FZD3: variants seen among roughly 807,000 people sequenced by gnomAD.
FZD3 encodes frizzled-3.
In FZD3, 30 loss-of-function variants were observed where a neutral mutation model predicts 60.7. That is an observed-to-expected ratio of 0.49 (90% CI 0.37 to 0.67). FZD3 has a LOEUF of 0.67. FZD3 is among the 30% of genes least tolerant of loss of function. The pLI is 0.00. For synonymous variants in FZD3, 246 were observed against 275.2 expected, an observed-to-expected ratio of 0.89 and a Z score of 1.05; for missense variants, 605 against 838.7, an observed-to-expected ratio of 0.72 and a Z score of 3.44.
chr8:28,520,729 G>A lies in FZD3; in HGVS notation c.281G>A (p.Arg94His), dbSNP rs770147193. The part of the protein sequence containing the change: ...LYAPICMEYG[R>H]VTLPCRRLCQ... ...GCTCCTATTTGTATGGAATATGGACGTGTCACACTTCCCTGTCGTAGGCTG... is the reference window on the plus strand; with the variant it reads ...GCTCCTATTTGTATGGAATATGGACATGTCACACTTCCCTGTCGTAGGCTG... Residue 94 changes from arginine to histidine, a missense_variant, in exon 4 of 8, where the codon CGT becomes CAT. By Grantham distance (29) the Arg-to-His change is conservative (BLOSUM62 0). Coordinates refer to ENST00000240093, the MANE Select transcript of FZD3 (RefSeq NM_017412.4). The A allele has an allele frequency of 6.2e-6, 10 of 1,612,300 alleles. No individual in the cohort carries two copies. The highest frequency in any genetic ancestry group is 2.2e-5 in the East Asian group (1 of 44,856).
At position 28,564,745 on chromosome 8, in the gene FZD3, C is replaced by T. The variant is rs1048270493; in HGVS notation, c.*1734C>T. 2.6e-5 allele frequency: 4 copies of T among 152,140 alleles called. No homozygotes were observed. Among genetic ancestry groups the T allele is most frequent in the African/African-American group, 9.7e-5 (4 of 41,420 alleles). The allele number at this position is 152,140 out of a possible 1,614,324, so 9.4% of individuals were successfully genotyped here. On this transcript the variant is annotated 3_prime_UTR_variant, in exon 8 of 8. Coordinates refer to ENST00000240093, the MANE Select transcript of FZD3 (RefSeq NM_017412.4). ...TTACGGAGGTAATCCAAGAATCATACTTTGAAGAATTATTCTAGACTCTGA... is the reference window on the plus strand; with the variant it reads ...TTACGGAGGTAATCCAAGAATCATATTTTGAAGAATTATTCTAGACTCTGA...
At position 28,573,415 on chromosome 8, in the gene FZD3, G is replaced by A. The variant is rs960921464; in HGVS notation, c.*10404G>A. 1.3e-5 allele frequency: 2 copies of A among 151,910 alleles called. No homozygotes were observed. Among genetic ancestry groups the A allele is most frequent in the Non-Finnish European group, 2.9e-5 (2 of 67,962 alleles). The allele number at this position is 151,910 out of a possible 1,614,324, so 9.4% of individuals were successfully genotyped here. ...TGTTGATGGGACTATTTTGAGGCAA[G>A]AGATACCATTAAGTGACCTAGCTTG... On this transcript the variant is annotated 3_prime_UTR_variant, in exon 8 of 8. Coordinates refer to ENST00000240093, the MANE Select transcript of FZD3 (RefSeq NM_017412.4).
chr8:28,540,845 T>C (rs187353), intron 5 of FZD3, among the ~76,000 whole-genome samples: 94,277 of 151,884 alleles, frequency 0.62, 29,647 homozygotes, highest in African/African-American at 0.7. Context: ...CTCAGGAGGC[T>C]GAGGCAGGAG....
At position 28,563,219 on chromosome 8, in the gene FZD3, C is replaced by G; in HGVS notation, c.*208C>G. 1 of 534,506 alleles carries G rather than the reference C, an allele frequency of 1.9e-6. No individual in the cohort carries two copies. Among genetic ancestry groups the G allele is most frequent in the East Asian group, 3.2e-5 (1 of 30,798 alleles). 33.1% of individuals were successfully genotyped at this position (534,506 alleles called of 1,614,324 possible). A position where few individuals can be genotyped will look rare whatever the true frequency, so the allele number is the denominator to read the frequency against. ...CAAAACACTAAGAATTCTATCATCA[C>G]AAAAATAATTCGTCTTTCTAGGTTA... On this transcript the variant is annotated 3_prime_UTR_variant, in exon 8 of 8. Coordinates refer to ENST00000240093, the MANE Select transcript of FZD3 (RefSeq NM_017412.4).
chr8:28,544,400 T>C (rs1323195431), intron 5 of FZD3, among the ~76,000 whole-genome samples: 1 of 152,164 alleles, frequency 6.6e-6, no homozygotes, highest in Non-Finnish European at 1.5e-5. Flanking sequence ...ATCTAGTTGA[T>C]CATTGATTTA....
intron 1 of FZD3, among the ~76,000 whole-genome samples, chr8:28,498,942 G>A (rs1803918371): frequency 6.6e-6 from 1 of 152,082 alleles, no homozygotes; most frequent in Admixed American, 6.5e-5. Context: ...TTTTAGTATT[G>A]AAAATCAGAT....
At chr8:28,552,344 A>G (rs1805428539) in intron 6 of FZD3, among the ~76,000 whole-genome samples, 1 of 152,210 alleles carries the variant, frequency 6.6e-6, no homozygotes, top group South Asian at 2.1e-4. Context: ...GTTAGAGGTT[A>G]TTGTAATTCA....
At chr8:28,495,910 T>C (rs1287575794) in intron 1 of FZD3, among the ~76,000 whole-genome samples, 1 of 152,030 alleles carries the variant, frequency 6.6e-6, no homozygotes, top group Non-Finnish European at 1.5e-5. Flanking sequence ...AAGCCTATCA[T>C]TCTACCCTCT....
At chr8:28,504,462 A>T (rs1175028809) in intron 3 of FZD3, among the ~76,000 whole-genome samples, 2 of 152,210 alleles carry the variant, frequency 1.3e-5, no homozygotes, top group Admixed American at 1.3e-4. Context: ...TTCTGGTATC[A>T]TTTTAAATCA....
At position 28,570,636 on chromosome 8, in the gene FZD3, A is replaced by AAG. The variant is rs1206753651; in HGVS notation, c.*7627_*7628dup. 6.6e-6 allele frequency: 1 copy of AAG among 151,378 alleles called. No individual in the cohort carries two copies. Among genetic ancestry groups the AAG allele is most frequent in the African/African-American group, 2.4e-5 (1 of 40,832 alleles). The allele number at this position is 151,378 out of a possible 1,614,324, so 9.4% of individuals were successfully genotyped here. ...CGAGACTCTATCTCAAAAAAAAAAA[A>AAG]AGAAAAAAAAAAAAGTAGAGATTGC... On this transcript the variant is annotated 3_prime_UTR_variant, in exon 8 of 8. Coordinates refer to ENST00000240093, the MANE Select transcript of FZD3 (RefSeq NM_017412.4).
intron 3 of FZD3, among the ~76,000 whole-genome samples, chr8:28,510,965 A>T (rs1206223946): frequency 3.3e-5 from 5 of 151,820 alleles, no homozygotes; most frequent in African/African-American, 9.7e-5. Context: ...TGAACCCGGG[A>T]GGCAGAGGTT....
chr8:28,545,324 C>T (rs1183393867), intron 5 of FZD3, among the ~76,000 whole-genome samples: 1 of 152,204 alleles, frequency 6.6e-6, no homozygotes, highest in Admixed American at 6.5e-5. Context: ...GACCCCAAGA[C>T]TTTGCTAAGA....
chr8:28,536,645 G>T (rs1478054945), intron 5 of FZD3, among the ~76,000 whole-genome samples: 1 of 152,112 alleles, frequency 6.6e-6, no homozygotes, highest in East Asian at 1.9e-4. Flanking sequence ...AGAGGTGGAG[G>T]TTGCAGTGAG....
In FZD3 at chr8:28,572,587, G is replaced by C. The variant is rs551717313; in HGVS notation, c.*9576G>C. The C allele has an allele frequency of 1.3e-5, 2 of 152,194 alleles. No homozygotes were observed. The highest frequency in any genetic ancestry group is 3.9e-4 in the East Asian group (2 of 5,180). 9.4% of individuals were successfully genotyped at this position (152,194 alleles called of 1,614,324 possible). On this transcript the variant is annotated 3_prime_UTR_variant, in exon 8 of 8. Coordinates refer to ENST00000240093, the MANE Select transcript of FZD3 (RefSeq NM_017412.4). ...CTTTTATAATCTGAGATATTGTTAT[G>C]TATTAGGTTTGTGCAAACCTAATAT... is the stretch of plus-strand genomic sequence containing the variant.
intron 3 of FZD3, among the ~76,000 whole-genome samples, chr8:28,513,768 T>C (rs1198466377): frequency 6.6e-6 from 1 of 152,230 alleles, no homozygotes; most frequent in East Asian, 1.9e-4. Context: ...TTAGTCATAA[T>C]ACTCCCAAAC....
At chr8:28,548,294 T>A (rs1219484069) in intron 5 of FZD3, among the ~76,000 whole-genome samples, 1 of 151,688 alleles carries the variant, frequency 6.6e-6, no homozygotes, top group African/African-American at 2.4e-5. Flanking sequence ...TTTGAATTTT[T>A]GTTTTTTTGT....
At chr8:28,525,713 C>T (rs28600858) in intron 4 of FZD3, among the ~76,000 whole-genome samples, 3,260 of 152,158 alleles carry the variant, frequency 0.021, 108 homozygotes, top group African/African-American at 0.074. Context: ...GAGGCATGAT[C>T]GTGAACACAG....
At chr8:28,526,966 G>C (rs1804729545) in intron 4 of FZD3, among the ~76,000 whole-genome samples, 181 bp from the exon 5 acceptor site, 1 of 152,044 alleles carries the variant, frequency 6.6e-6, no homozygotes, top group Admixed American at 6.6e-5. Flanking sequence ...TTGCTCAACT[G>C]TCGAAAATCT....
chr8:28,515,419 C>CGG (rs936186202), intron 3 of FZD3, among the ~76,000 whole-genome samples: 2 of 152,152 alleles, frequency 1.3e-5, no homozygotes, highest in Admixed American at 6.5e-5. Context: ...GAAGGCCAAG[C>CGG]GGGTGACTTG....
Sources: allele counts gnomAD v4.1 joint callset (sites outside exome capture counted in the v4.1 genomes callset), GRCh38; gene constraint gnomAD v4.1.1; transcripts MANE v1.5; gene names NCBI Gene and HGNC (gene_info 2026-07-23, HGNC 2026-07-21).